The following YTHDC2 variants were observed in gnomAD, a reference collection of about 807,000 sequenced individuals.
YTHDC2 encodes 3'-5' RNA helicase YTHDC2.
In YTHDC2, 45 loss-of-function variants were observed where a neutral mutation model predicts 174.9. The observed-to-expected ratio is 0.26, with a 90% CI of 0.20 to 0.33. YTHDC2 has a LOEUF of 0.33. YTHDC2 is among the 10% of genes least tolerant of loss of function. The pLI is 1.00. For synonymous variants in YTHDC2, 657 were observed against 574.5 expected (o/e 1.14, Z -2.05); for missense variants, 1,650 against 1,723.7 (o/e 0.96, Z 0.76).
chr5:113,558,748 C>T (rs1776767125), intron 17 of YTHDC2, among the ~76,000 whole-genome samples: 1 of 151,710 alleles, frequency 6.6e-6, no homozygotes, highest in Non-Finnish European at 1.5e-5. Flanking sequence ...ATGGTGAAAC[C>T]CTGTCTCTAA....
At chr5:113,531,076 G>GT (rs2112573040) in intron 4 of YTHDC2, among the ~76,000 whole-genome samples, 1 of 152,262 alleles carries the variant, frequency 6.6e-6, no homozygotes, top group South Asian at 2.1e-4. Context: ...GTAGGTAAGG[G>GT]TTTTCCCCCC....
chr5:113,529,340 G>A (rs1038790721), intron 4 of YTHDC2, among the ~76,000 whole-genome samples: 2 of 152,062 alleles, frequency 1.3e-5, no homozygotes, highest in African/African-American at 4.8e-5. Flanking sequence ...GTACTTACTT[G>A]TATCCTAATA....
chr5:113,531,133 G>A (rs1343426113), intron 4 of YTHDC2, among the ~76,000 whole-genome samples: 1 of 152,130 alleles, frequency 6.6e-6, no homozygotes, highest in Non-Finnish European at 1.5e-5. Flanking sequence ...TTGATTTTCT[G>A]TAGTTTGAAA....
chr5:113,571,149 G>A (rs1243553200), intron 23 of YTHDC2, among the ~76,000 whole-genome samples: 1 of 152,156 alleles, frequency 6.6e-6, no homozygotes, highest in East Asian at 1.9e-4. Flanking sequence ...TTTGAGATAT[G>A]TTCCTTTACT....
intron 28 of YTHDC2, chr5:113,592,993 A>G (rs1779086735): frequency 5.3e-6 from 1 of 187,418 alleles, no homozygotes; most frequent in Admixed American, 5.7e-5. Context: ...GCTTTTGCTG[A>G]ATCTCTATGA....
chr5:113,587,503 A>G (rs913259542), intron 26 of YTHDC2, among the ~76,000 whole-genome samples: 2 of 132,262 alleles, frequency 1.5e-5, no homozygotes, highest in East Asian at 4.2e-4. Context: ...AATATATATA[A>G]TGTATTTATA....
At chr5:113,519,885 CTTTT>C (rs1192846350) in intron 2 of YTHDC2, among the ~76,000 whole-genome samples, 3 of 152,100 alleles carry the variant, frequency 2.0e-5, no homozygotes, top group African/African-American at 7.2e-5. Context: ...AATTTCTTTT[CTTTT>C]TAATTTTATT....
In YTHDC2 at chr5:113,594,001, GCTAA is replaced by G. The variant is rs1231636286; in HGVS notation, c.*532_*535del. ...AGTGTCCCTTTTAAAAATAGTGTGT[GCTAA>G]CTAAGGGCTATTCATTCTGCCATTT... is the stretch of plus-strand genomic sequence containing the variant. On this transcript the variant is annotated 3_prime_UTR_variant, in exon 30 of 30. Transcript: ENST00000161863. 1.3e-5 allele frequency: 2 copies of G among 152,102 alleles called. No individual in the cohort carries two copies. Among genetic ancestry groups the G allele is most frequent in the South Asian group, 2.1e-4 (1 of 4,834 alleles). 9.4% of individuals were successfully genotyped at this position (152,102 alleles called of 1,614,324 possible).
In YTHDC2 at chr5:113,515,294, G is replaced by T. The variant is rs760365444; in HGVS notation, c.210G>T (p.Leu70Phe). Residue 70 changes from leucine (L) to phenylalanine (F), a missense_variant, in exon 2 of 30, where the codon TTG becomes TTT. Transcript: ENST00000161863. ...TAGAAATGGAATTTCCTTCTTCTTT[G>T]ACCAGTACTGAAAGAGCCTTTATTC... ...DQREMEFPSS[L>F]TSTERAFIHR... 1 of 1,606,696 alleles carries T rather than the reference G, an allele frequency of 6.2e-7. No homozygotes were observed. The highest frequency in any genetic ancestry group is 2.2e-5 in the East Asian group (1 of 44,548).
chr5:113,579,950 A>G (rs1778299067), intron 24 of YTHDC2: 52 of 980,360 alleles, frequency 5.3e-5, no homozygotes, highest in Non-Finnish European at 6.3e-5. Flanking sequence ...TGCTATAGTA[A>G]TTTATAAAGA....
chr5:113,549,308 G>A (rs536352317), intron 12 of YTHDC2, among the ~76,000 whole-genome samples: 58 of 152,188 alleles, frequency 3.8e-4, no homozygotes, highest in African/African-American at 1.4e-3. Flanking sequence ...TGACAATGAA[G>A]CAATATAAAG....
chr5:113,534,299 TA>T lies in YTHDC2; in HGVS notation c.843-2del. The stretch of plus-strand genomic sequence containing the variant: ...TGTGCACTTTGTTTTGCTTTTTTTT[TA>T]AAAGGGTTTCTCCAAAGACACTTCT... On this transcript the variant is annotated splice_region_variant and splice_polypyrimidine_tract_variant and intron_variant, in intron 5 of 29. Coordinates refer to ENST00000161863, the MANE Select transcript of YTHDC2 (RefSeq NM_022828.5). 1.9e-6 allele frequency: 3 copies of T among 1,606,536 alleles called. No individual in the cohort carries two copies. Among genetic ancestry groups the T allele is most frequent in the African/African-American group, 1.3e-5 (1 of 74,796 alleles).
intron 4 of YTHDC2, among the ~76,000 whole-genome samples, chr5:113,530,937 A>G (rs973602461): frequency 6.6e-6 from 1 of 152,114 alleles, no homozygotes; most frequent in Non-Finnish European, 1.5e-5. Flanking sequence ...TCATTTTTGA[A>G]GGATAGTTTT....
In YTHDC2 at chr5:113,535,813, C is replaced by G. The variant is rs754151680; in HGVS notation, c.1102+15C>G. ...AGTGATATATAGTAAGTTAAATTGT[C>G]AGATTTCTTCTATAATTTTTATGAA... On this transcript the variant is annotated intron_variant, in intron 7 of 29. Coordinates refer to ENST00000161863, the MANE Select transcript of YTHDC2 (RefSeq NM_022828.5). The G allele has an allele frequency of 9.1e-6, 14 of 1,540,336 alleles. No individual in the cohort carries two copies. The highest frequency in any genetic ancestry group is 1.2e-5 in the Non-Finnish European group (14 of 1,140,458).
chr5:113,579,033 T>G (rs1778235656), intron 23 of YTHDC2, among the ~76,000 whole-genome samples: 1 of 152,078 alleles, frequency 6.6e-6, no homozygotes, highest in Non-Finnish European at 1.5e-5. Flanking sequence ...CTTCCTTTAT[T>G]AAATTTACAG....
At chr5:113,583,280 G>A (rs537808040) in intron 25 of YTHDC2, 5 of 152,242 alleles carry the variant, frequency 3.3e-5, no homozygotes, top group African/African-American at 9.6e-5. Context: ...ATGACATGAT[G>A]TGTGGGATTT....
chr5:113,514,044 A>T lies in YTHDC2; in HGVS notation c.149A>T (p.Asn50Ile). ...RIDEEVKIAV[N>I]IALERFRYGD... Reference sequence around the variant, plus strand: ...GATGAGGAGGTGAAGATCGCAGTCAATATCGCGCTGGAGCGCTTCCGATAC... The same window carrying T: ...GATGAGGAGGTGAAGATCGCAGTCATTATCGCGCTGGAGCGCTTCCGATAC... The change falls in exon 1 of 30, where the codon AAT (asparagine) becomes ATT (isoleucine). Residue 50 changes from asparagine to isoleucine, a missense_variant. Coordinates refer to ENST00000161863, the MANE Select transcript of YTHDC2 (RefSeq NM_022828.5). 2 of 1,612,314 alleles carry T rather than the reference A, an allele frequency of 1.2e-6. No individual in the cohort carries two copies. Among genetic ancestry groups the T allele is most frequent in the Non-Finnish European group, 8.5e-7 (1 of 1,179,356 alleles).
At chr5:113,520,235 CT>C (rs1017491287) in intron 2 of YTHDC2, among the ~76,000 whole-genome samples, 40 of 152,220 alleles carry the variant, frequency 2.6e-4, no homozygotes, top group African/African-American at 9.6e-4. Context: ...TGAACTTACT[CT>C]TTTTTTATGG....
intron 12 of YTHDC2, among the ~76,000 whole-genome samples, chr5:113,552,198 A>G (rs758500286): frequency 1.1e-4 from 17 of 152,178 alleles, no homozygotes; most frequent in African/African-American, 1.7e-4. Flanking sequence ...AATATACCAT[A>G]TAATTCACCC....
Sources: allele counts gnomAD v4.1 joint callset (sites outside exome capture counted in the v4.1 genomes callset), GRCh38; gene constraint gnomAD v4.1.1; transcripts MANE v1.5; gene names NCBI Gene and HGNC (gene_info 2026-07-23, HGNC 2026-07-21).